KCNJ6: variants seen among roughly 807,000 people sequenced by gnomAD.
KCNJ6 encodes the protein G protein-activated inward rectifier potassium channel 2.
Under a neutral mutation model 34.2 loss-of-function variants are expected in KCNJ6, and 9 were observed. That is an observed-to-expected ratio of 0.26 (90% CI 0.16 to 0.46). The LOEUF (loss-of-function observed/expected upper bound fraction) is 0.46. Among genes scored for constraint, KCNJ6 ranks in the 20% least tolerant of loss-of-function variants. The pLI, the probability that KCNJ6 is intolerant of heterozygous loss-of-function variation, is 1.00. For missense variants in KCNJ6, 236 were observed against 531.3 expected, an observed-to-expected ratio of 0.44 and a Z score of 5.46; for synonymous variants, 196 against 207.1, an observed-to-expected ratio of 0.95 and a Z score of 0.46.
chr21:37,879,284 G>A (rs1462605828), intron 1 of KCNJ6, among the ~76,000 whole-genome samples: 1 of 152,188 alleles, frequency 6.6e-6, no homozygotes, highest in Non-Finnish European at 1.5e-5. Context: ...AATTGACTCT[G>A]AGGACAGGGA....
chr21:37,819,689 G>T (rs1050351204), intron 2 of KCNJ6, among the ~76,000 whole-genome samples: 1 of 152,114 alleles, frequency 6.6e-6, no homozygotes, highest in African/African-American at 2.4e-5. Context: ...TGCCAGGTAA[G>T]ACCTCTTTGC....
chr21:37,651,946 C>T (rs1053427696), intron 3 of KCNJ6, among the ~76,000 whole-genome samples: 1 of 152,188 alleles, frequency 6.6e-6, no homozygotes, highest in African/African-American at 2.4e-5. Context: ...ACTGATTTTA[C>T]TCCATATCTC....
Position 37,615,244 on chromosome 21 carries a change from C to CTTTTTTTTTTTTTTTTTTTTTTTT in KCNJ6, c.*9891_*9914dup, listed in dbSNP as rs1156939747. ...ACCCTCGACTGACATTCCCAGCATT[C>CTTTTTTTTTTTTTTTTTTTTTTTT]TTTTTTTTTTTTTTTTTTTTTTTTT... On this transcript the variant is annotated 3_prime_UTR_variant, in exon 4 of 4. Transcript: ENST00000609713. 2 of 98,890 alleles carry CTTTTTTTTTTTTTTTTTTTTTTTT rather than the reference C, an allele frequency of 2.0e-5. No individual in the cohort carries two copies. Among genetic ancestry groups the CTTTTTTTTTTTTTTTTTTTTTTTT allele is most frequent in the Admixed American group, 1.0e-4 (1 of 9,972 alleles). The allele number at this position is 98,890 out of a possible 1,614,324, so 6.1% of individuals were successfully genotyped here.
At chr21:37,797,223 G>C (rs894078636) in intron 2 of KCNJ6, among the ~76,000 whole-genome samples, 2 of 151,946 alleles carry the variant, frequency 1.3e-5, no homozygotes, top group African/African-American at 4.8e-5. Context: ...TCTAGTTTTT[G>C]TCTTTTTAGT....
chr21:37,817,989 C>T (rs886856342), intron 2 of KCNJ6, among the ~76,000 whole-genome samples: 4 of 152,154 alleles, frequency 2.6e-5, no homozygotes, highest in African/African-American at 9.7e-5. Context: ...TTTTCAGAAG[C>T]CCCATCTGCC....
At chr21:37,713,835 ACTTCCTCCTTCTAACT>A (rs1268566008) in intron 3 of KCNJ6, among the ~76,000 whole-genome samples, 9 of 152,150 alleles carry the variant, frequency 5.9e-5, no homozygotes, top group Non-Finnish European at 1.2e-4. Context: ...GAAAGGCTTA[ACTTCCTCCTTCTAACT>A]TGGTAACAAA....
intron 2 of KCNJ6, among the ~76,000 whole-genome samples, chr21:37,740,341 G>A (rs1371253647): frequency 6.6e-6 from 1 of 152,150 alleles, no homozygotes; most frequent in Non-Finnish European, 1.5e-5. Context: ...TCTCTCTGAA[G>A]CCTGCAACCT....
chr21:37,644,664 C>G (rs756658098), intron 3 of KCNJ6, among the ~76,000 whole-genome samples: 5 of 152,192 alleles, frequency 3.3e-5, no homozygotes, highest in Non-Finnish European at 7.3e-5. Context: ...TTACGCCTGG[C>G]CTAGCTATAG....
At chr21:37,713,002 G>T (rs983999880) in intron 3 of KCNJ6, among the ~76,000 whole-genome samples, 1 of 152,064 alleles carries the variant, frequency 6.6e-6, no homozygotes, top group Non-Finnish European at 1.5e-5. Flanking sequence ...TGAGCTCCAT[G>T]CAAAGCCCTT....
At chr21:37,810,027 A>G (rs538635573) in intron 2 of KCNJ6, among the ~76,000 whole-genome samples, 2 of 152,380 alleles carry the variant, frequency 1.3e-5, no homozygotes, top group East Asian at 3.9e-4. Context: ...TCAATGCAGC[A>G]TAGCCTATCC....
intron 2 of KCNJ6, among the ~76,000 whole-genome samples, chr21:37,742,560 C>T (rs1485514918): frequency 2.0e-5 from 3 of 152,160 alleles, no homozygotes; most frequent in Non-Finnish European, 4.4e-5. Context: ...CCATTGTTGA[C>T]ATTTCCAGGA....
chr21:37,684,518 A>G (rs765642363), intron 3 of KCNJ6, among the ~76,000 whole-genome samples: 10 of 152,200 alleles, frequency 6.6e-5, no homozygotes, highest in African/African-American at 1.2e-4. Context: ...GGGGAACACA[A>G]ACAGTAATTG....
rs77323628 is a variant in KCNJ6, at chr21:37,662,880, C to T, written c.947-37396G>A. 7.1e-3 allele frequency among the ~76,000 whole-genome samples: 1,083 copies of T among 152,210 alleles called. 7 individuals are homozygous for T. Among genetic ancestry groups the T allele is most frequent in the African/African-American group, 0.025 (1,027 of 41,520 alleles). Reference sequence around the variant, plus strand: ...GACCAGTGATGTTGAGTTCTTTTCTCGTATGTTCATCAGCCACATAAATGT... The same window carrying T: ...GACCAGTGATGTTGAGTTCTTTTCTTGTATGTTCATCAGCCACATAAATGT... On this transcript the variant is annotated intron_variant, in intron 3 of 3. Transcript: ENST00000609713.
intron 2 of KCNJ6, among the ~76,000 whole-genome samples, chr21:37,821,480 T>C (rs2123554177): frequency 6.6e-6 from 1 of 152,332 alleles, no homozygotes; most frequent in Non-Finnish European, 1.5e-5. Context: ...GCTGCACCTA[T>C]CAACCCATCA....
In KCNJ6 at chr21:37,617,114, TTC is replaced by T. The variant is rs1491110878; in HGVS notation, c.*8043_*8044del. 2.3e-4 allele frequency: 30 copies of T among 133,146 alleles called. No individual in the cohort carries two copies. The highest frequency in any genetic ancestry group is 6.8e-4 in the African/African-American group (23 of 33,704). 8.2% of individuals were successfully genotyped at this position (133,146 alleles called of 1,614,324 possible). On this transcript the variant is annotated 3_prime_UTR_variant, in exon 4 of 4. Coordinates refer to ENST00000609713, the MANE Select transcript of KCNJ6 (RefSeq NM_002240.5). ...TTCTTTCTTTTCTTTCTTTCTTTCC[TTC>T]TTCCTTCCTTCCTTCTTTCTTTCCT...
At chr21:37,763,219 C>T (rs1196015180) in intron 2 of KCNJ6, among the ~76,000 whole-genome samples, 2 of 152,190 alleles carry the variant, frequency 1.3e-5, no homozygotes, top group Admixed American at 1.3e-4. Flanking sequence ...CACCTTGTCC[C>T]ACGCTGGATG....
At chr21:37,783,924 G>A (rs2055181466) in intron 2 of KCNJ6, among the ~76,000 whole-genome samples, 1 of 152,198 alleles carries the variant, frequency 6.6e-6, no homozygotes, top group Non-Finnish European at 1.5e-5. Context: ...AGCAGGAGGT[G>A]GCTGTCTCCA....
intron 1 of KCNJ6, among the ~76,000 whole-genome samples, chr21:37,849,985 CT>C (rs1568871023): frequency 6.6e-6 from 1 of 152,204 alleles, no homozygotes; most frequent in Non-Finnish European, 1.5e-5. Flanking sequence ...CCCTGAACAG[CT>C]GTGAGTTTCC....
intron 2 of KCNJ6, among the ~76,000 whole-genome samples, chr21:37,733,727 G>A (rs2054898098): frequency 1.3e-5 from 2 of 152,302 alleles, no homozygotes; most frequent in Middle Eastern, 3.4e-3. Flanking sequence ...AATAATTTTA[G>A]TTAAAAGGTT....
Sources: gnomAD v4.1 joint callset for allele counts (sites outside exome capture counted in the v4.1 genomes callset) on GRCh38, gnomAD v4.1.1 for gene constraint, MANE v1.5 for transcripts, NCBI Gene and HGNC (gene_info 2026-07-23, HGNC 2026-07-21) for gene names.